The following LRBA variants were observed in gnomAD, a reference collection of about 807,000 sequenced individuals.
The protein encoded by LRBA is LPS responsive beige-like anchor protein, also known as lipopolysaccharide-responsive and beige-like anchor protein.
LRBA carries 176 observed loss-of-function variants against 330.0 expected under a neutral mutation model. That is an observed-to-expected ratio of 0.53 (90% CI 0.47 to 0.60). The LOEUF (loss-of-function observed/expected upper bound fraction) is 0.60. Among genes scored for constraint, LRBA ranks in the 20% least tolerant of loss-of-function variants. The pLI is 0.00. For synonymous variants in LRBA, 1,230 were observed against 1,193.0 expected, an observed-to-expected ratio of 1.03 and a Z score of -0.64; for missense variants, 3,259 against 3,444.8, an observed-to-expected ratio of 0.95 and a Z score of 1.35.
At chr4:150,580,004 G>C (rs1771073883) in intron 40 of LRBA, 1 of 299,992 alleles carries the variant, frequency 3.3e-6, no homozygotes, top group Admixed American at 4.6e-5. Context: ...CGGCAGCGCA[G>C]TGCCCTCCGG....
intron 47 of LRBA, among the ~76,000 whole-genome samples, chr4:150,376,291 T>A (rs1173146080): frequency 6.6e-6 from 1 of 152,184 alleles, no homozygotes; most frequent in Non-Finnish European, 1.5e-5. Flanking sequence ...AGGTAGTTTA[T>A]CTCAGAAATA....
At chr4:150,988,639 T>C (rs1741719319) in intron 2 of LRBA, among the ~76,000 whole-genome samples, 1 of 151,806 alleles carries the variant, frequency 6.6e-6, no homozygotes, top group Admixed American at 6.6e-5. Context: ...AGTGCAGTGG[T>C]GCAATCTCGG....
At chr4:150,886,377 G>A (rs889869772) in intron 17 of LRBA, among the ~76,000 whole-genome samples, 5 of 152,124 alleles carry the variant, frequency 3.3e-5, no homozygotes. Flanking sequence ...CAGAGAGTAA[G>A]AGAAAAGGGT....
At chr4:150,584,134 G>T in intron 40 of LRBA, 1 of 1,504,394 alleles carries the variant, frequency 6.6e-7, no homozygotes, top group South Asian at 1.4e-5. Flanking sequence ...CTTGAAAAGC[G>T]ACACAAACGG....
chr4:150,534,340 TATAATA>T (rs36206816), intron 40 of LRBA, among the ~76,000 whole-genome samples: 80,115 of 143,582 alleles, frequency 0.56, 25,474 homozygotes, highest in Non-Finnish European at 0.72. Flanking sequence ...AAACTTGAAG[TATAATA>T]ATAATAATAA....
At chr4:150,467,009 G>C (rs1755525911) in intron 44 of LRBA, among the ~76,000 whole-genome samples, 1 of 152,080 alleles carries the variant, frequency 6.6e-6, no homozygotes, top group African/African-American at 2.4e-5. Flanking sequence ...GCCAGAAAAT[G>C]TAAGGGTTAA....
chr4:150,778,167 GGAAA>G (rs1737681517), intron 34 of LRBA, among the ~76,000 whole-genome samples: 1 of 151,966 alleles, frequency 6.6e-6, no homozygotes, highest in African/African-American at 2.4e-5. Context: ...TAACAATAAA[GGAAA>G]GATTTTATTC....
chr4:150,342,629 A>G (rs1458941531), intron 48 of LRBA, among the ~76,000 whole-genome samples: 1 of 152,154 alleles, frequency 6.6e-6, no homozygotes, highest in African/African-American at 2.4e-5. Context: ...TATTATTTCT[A>G]TCGTTTAGTG....
At chr4:150,620,568 A>G (rs1776194318) in intron 37 of LRBA, among the ~76,000 whole-genome samples, 2 of 152,218 alleles carry the variant, frequency 1.3e-5, no homozygotes, top group South Asian at 4.1e-4. Context: ...GTGCCCATCG[A>G]ACAATGAATG....
At chr4:150,303,942 A>G (rs1312258021) in intron 52 of LRBA, among the ~76,000 whole-genome samples, 2 of 152,210 alleles carry the variant, frequency 1.3e-5, no homozygotes, top group East Asian at 1.9e-4. Flanking sequence ...TTGTCTAAAC[A>G]ATTAAATAGC....
At chr4:150,551,198 A>G (rs1405913823) in intron 40 of LRBA, among the ~76,000 whole-genome samples, 1 of 152,226 alleles carries the variant, frequency 6.6e-6, no homozygotes, top group Non-Finnish European at 1.5e-5. Context: ...TACTGGCACC[A>G]TGCTCTTAGA....
In LRBA at chr4:150,673,770, A is replaced by G. The variant is rs771103110; in HGVS notation, c.5921+9781T>C. Among the ~76,000 whole-genome samples, 49 of 152,212 alleles carry G rather than the reference A, an allele frequency of 3.2e-4. 1 individual carries two copies. Among genetic ancestry groups the G allele is most frequent in the Non-Finnish European group, 6.5e-4 (44 of 68,024 alleles). On this transcript the variant is annotated intron_variant, in intron 37 of 56. Transcript: ENST00000651943. ...ATTACACTTCATAAACTTAGTATTA[A>G]CAATTCATGTGGTTGGTTTTTAATC...
intron 2 of LRBA, among the ~76,000 whole-genome samples, chr4:150,971,904 A>G (rs1385803683): frequency 6.6e-6 from 1 of 152,200 alleles, no homozygotes; most frequent in Non-Finnish European, 1.5e-5. Flanking sequence ...CTTACAGCAA[A>G]TTAATGTAGT....
intron 37 of LRBA, among the ~76,000 whole-genome samples, chr4:150,625,683 G>A (rs753188441): frequency 3.4e-5 from 5 of 147,152 alleles, no homozygotes; most frequent in African/African-American, 1.0e-4. Flanking sequence ...TCCTGGTACC[G>A]AGATTATATA....
At chr4:150,735,886 C>G (rs1428491155) in intron 35 of LRBA, among the ~76,000 whole-genome samples, 1 of 152,066 alleles carries the variant, frequency 6.6e-6, no homozygotes, top group East Asian at 1.9e-4. Context: ...TCAAGTGTAC[C>G]CCAGAAAGCA....
intron 46 of LRBA, among the ~76,000 whole-genome samples, chr4:150,420,410 C>CACATTATAGTATAAAGTATATATAATAT (rs1748541571): frequency 7.7e-6 from 1 of 129,312 alleles, no homozygotes; most frequent in Non-Finnish European, 1.6e-5. Flanking sequence ...ATATATAATA[C>CACATTATAGTATAAAGTATATATAATAT]ACATTATAGT....
At chr4:150,426,477 C>T (rs1749625994) in intron 46 of LRBA, among the ~76,000 whole-genome samples, 1 of 151,932 alleles carries the variant, frequency 6.6e-6, no homozygotes, top group Non-Finnish European at 1.5e-5. Context: ...CACATGTACT[C>T]AAATTAATTT....
intron 47 of LRBA, among the ~76,000 whole-genome samples, chr4:150,376,906 T>C (rs1741420344): frequency 6.6e-6 from 1 of 151,964 alleles, no homozygotes; most frequent in African/African-American, 2.4e-5. Context: ...GGAAGTGAAA[T>C]TTCCCTATAT....
At chr4:150,498,324 T>C (rs1759826806) in intron 40 of LRBA, among the ~76,000 whole-genome samples, 1 of 152,182 alleles carries the variant, frequency 6.6e-6, no homozygotes, top group African/African-American at 2.4e-5. Context: ...ATTTGCATTC[T>C]AAATGATGCA....
Sources: allele counts gnomAD v4.1 joint callset (sites outside exome capture counted in the v4.1 genomes callset), GRCh38; gene constraint gnomAD v4.1.1; transcripts MANE v1.5; gene names NCBI Gene and HGNC (gene_info 2026-07-23, HGNC 2026-07-21).